BCAS1: variants seen among roughly 807,000 people sequenced by gnomAD.
BCAS1 encodes the protein brain enriched myelin associated protein 1, also known as breast carcinoma-amplified sequence 1.
A neutral mutation model predicts 65.4 loss-of-function variants in BCAS1; 46 were observed. The observed-to-expected ratio is 0.70, with a 90% CI of 0.55 to 0.90. The LOEUF is 0.90. BCAS1 is among the 40% of genes least tolerant of loss of function. The pLI, the probability that BCAS1 is intolerant of heterozygous loss-of-function variation, is 0.00. For missense variants in BCAS1, 793 were observed against 771.2 expected (o/e 1.03, Z -0.33); for synonymous variants, 298 against 293.5 (o/e 1.02, Z -0.16).
intron 3 of BCAS1, among the ~76,000 whole-genome samples, chr20:54,048,558 C>T (rs933807391): frequency 7.9e-5 from 12 of 152,146 alleles, no homozygotes; most frequent in African/African-American, 2.9e-4. Context: ...TTTTGGATCC[C>T]ATGATGTAGA....
intron 4 of BCAS1, among the ~76,000 whole-genome samples, chr20:54,005,140 A>C (rs2091153048): frequency 1.3e-5 from 2 of 152,058 alleles, no homozygotes; most frequent in Non-Finnish European, 2.9e-5. Flanking sequence ...AGGTCAGTAG[A>C]TAGGGACAAG....
Position 54,028,772 on chromosome 20 carries a change from A to T in BCAS1, c.343T>A (p.Ser115Thr), listed in dbSNP as rs772073931. 6.2e-7 allele frequency: 1 copy of T among 1,614,154 alleles called. No individual in the cohort carries two copies. Among genetic ancestry groups the T allele is most frequent in the Non-Finnish European group, 8.5e-7 (1 of 1,180,010 alleles). ...ACATCAAGCTTCACTGATCCAAGGG[A>T]TGAATCTGCGGCTTGGTCTCCGGTA... ...GRTGDQAADS[S>T]LGSVKLDVSS... The change falls in exon 4 of 13, where the codon TCC (serine) becomes ACC (threonine). Residue 115 changes from serine (S) to threonine (T), a missense_variant. Coordinates refer to ENST00000688948, the MANE Select transcript of BCAS1 (RefSeq NM_001366298.2).
chr20:53,962,910 G>A (rs2145594478), intron 10 of BCAS1, among the ~76,000 whole-genome samples: 1 of 152,082 alleles, frequency 6.6e-6, no homozygotes, highest in East Asian at 2.0e-4. Flanking sequence ...GAGTGCAGTG[G>A]CGCGATCTCA....
At chr20:54,047,079 T>C (rs2092122870) in intron 3 of BCAS1, among the ~76,000 whole-genome samples, 1 of 152,180 alleles carries the variant, frequency 6.6e-6, no homozygotes, top group Non-Finnish European at 1.5e-5. Context: ...ACAGGTCTGG[T>C]TCCTGGACTG....
intron 6 of BCAS1, among the ~76,000 whole-genome samples, chr20:53,994,059 T>A (rs1489843864): frequency 2.0e-5 from 3 of 152,206 alleles, no homozygotes; most frequent in Non-Finnish European, 4.4e-5. Flanking sequence ...TGTACCACTA[T>A]CAAGTAGCAG....
At chr20:54,033,681 C>T (rs2091846706) in intron 3 of BCAS1, among the ~76,000 whole-genome samples, 1 of 150,794 alleles carries the variant, frequency 6.6e-6, no homozygotes, top group South Asian at 2.1e-4. Context: ...ATAAAAAAAC[C>T]CAGTACTAGA....
intron 3 of BCAS1, among the ~76,000 whole-genome samples, chr20:54,055,402 A>T (rs1601016558): frequency 6.6e-6 from 1 of 152,132 alleles, no homozygotes; most frequent in South Asian, 2.1e-4. Flanking sequence ...TACTTCTTAC[A>T]TGGTGGTGGC....
intron 3 of BCAS1, among the ~76,000 whole-genome samples, chr20:54,052,262 C>A (rs2092229557): frequency 6.6e-6 from 1 of 152,204 alleles, no homozygotes; most frequent in African/African-American, 2.4e-5. Flanking sequence ...CAGTGAGTGT[C>A]TCAACCAGCC....
chr20:54,027,814 C>A (rs1328670086), intron 4 of BCAS1, among the ~76,000 whole-genome samples: 8 of 146,560 alleles, frequency 5.5e-5, no homozygotes, highest in Admixed American at 6.7e-5. Flanking sequence ...AAAAAAAAAA[C>A]CCAAAACCCC....
chr20:54,063,346 G>A (rs753643012), intron 1 of BCAS1, among the ~76,000 whole-genome samples: 2 of 152,178 alleles, frequency 1.3e-5, no homozygotes, highest in Non-Finnish European at 2.9e-5. Context: ...TAAGCAAAGT[G>A]CCCTGAACAG....
intron 4 of BCAS1, among the ~76,000 whole-genome samples, chr20:54,021,113 T>C (rs556574632): frequency 2.0e-5 from 3 of 152,332 alleles, no homozygotes; most frequent in African/African-American, 7.2e-5. Flanking sequence ...GGAAGAGCCT[T>C]CTTTCTACTG....
At chr20:54,042,646 G>A (rs1427696274) in intron 3 of BCAS1, among the ~76,000 whole-genome samples, 1 of 152,196 alleles carries the variant, frequency 6.6e-6, no homozygotes, top group Non-Finnish European at 1.5e-5. Context: ...GATGGGGCTT[G>A]GGGAGCCATC....
chr20:54,050,086 T>C (rs2092184023), intron 3 of BCAS1, among the ~76,000 whole-genome samples: 1 of 152,204 alleles, frequency 6.6e-6, no homozygotes, highest in Non-Finnish European at 1.5e-5. Context: ...CCTACATTCC[T>C]TGGCTTGTGG....
intron 4 of BCAS1, among the ~76,000 whole-genome samples, chr20:54,010,784 A>G (rs1356234848): frequency 6.6e-6 from 1 of 152,232 alleles, no homozygotes; most frequent in Non-Finnish European, 1.5e-5. Context: ...AGGATTTAGA[A>G]TAATTTTTTA....
chr20:54,056,887 C>T (rs1434825264), intron 3 of BCAS1, among the ~76,000 whole-genome samples: 1 of 152,140 alleles, frequency 6.6e-6, no homozygotes, highest in Admixed American at 6.5e-5. Context: ...GTAATATGTG[C>T]TTTCATTATA....
intron 3 of BCAS1, among the ~76,000 whole-genome samples, chr20:54,051,441 G>GACA (rs902519260): frequency 1.3e-5 from 2 of 152,196 alleles, no homozygotes; most frequent in African/African-American, 4.8e-5. Flanking sequence ...GGTACCAGAT[G>GACA]ACAGTCTCCT....
At chr20:53,951,639 A>G (rs2089529300) in intron 12 of BCAS1, among the ~76,000 whole-genome samples, 2 of 152,342 alleles carry the variant, frequency 1.3e-5, no homozygotes, top group South Asian at 2.1e-4. Flanking sequence ...CTACTCAATC[A>G]GAATGTGTGT....
At chr20:53,994,458 G>A (rs1222356846) in intron 6 of BCAS1, among the ~76,000 whole-genome samples, 1 of 152,204 alleles carries the variant, frequency 6.6e-6, no homozygotes, top group East Asian at 1.9e-4. Context: ...CATCCGTTTG[G>A]CAGGTGCCCC....
chr20:54,034,886 A>G (rs1461344000), intron 3 of BCAS1, among the ~76,000 whole-genome samples: 1 of 151,324 alleles, frequency 6.6e-6, no homozygotes. Context: ...TTCAAACTAT[A>G]CTACAAGGCT....
Sources: gnomAD v4.1 joint callset for allele counts (sites outside exome capture counted in the v4.1 genomes callset) on GRCh38, gnomAD v4.1.1 for gene constraint, MANE v1.5 for transcripts, NCBI Gene and HGNC (gene_info 2026-07-23, HGNC 2026-07-21) for gene names.